Variants in ARFGEF3 observed in about 807,000 individuals in gnomAD.
The protein encoded by ARFGEF3 is brefeldin A-inhibited guanine nucleotide-exchange protein 3.
Under a neutral mutation model 221.7 loss-of-function variants are expected in ARFGEF3, and 96 were observed. That is an observed-to-expected ratio of 0.43 (90% CI 0.37 to 0.51). ARFGEF3 has a LOEUF of 0.51. Among genes scored for constraint, ARFGEF3 ranks in the 20% least tolerant of loss-of-function variants. The pLI, the probability that ARFGEF3 is intolerant of heterozygous loss-of-function variation, is 0.00. For missense variants in ARFGEF3, 2,410 were observed against 2,789.9 expected (o/e 0.86, Z 3.07); for synonymous variants, 1,145 against 1,126.8 (o/e 1.02, Z -0.32).
chr6:138,263,697 T>A (rs999425530), intron 12 of ARFGEF3, 86 bp downstream of exon 12: 1 of 1,231,906 alleles, frequency 8.1e-7, no homozygotes, highest in African/African-American at 1.5e-5. Flanking sequence ...TGCTTATAGT[T>A]TGACGTGCTC....
intron 27 of ARFGEF3, 69 bp from the exon 28 acceptor site, chr6:138,319,633 CA>C: frequency 9.0e-7 from 1 of 1,113,592 alleles, no homozygotes; most frequent in South Asian, 1.6e-5. Context: ...AAGAGATCAA[CA>C]ATGCCAGGTG....
intron 2 of ARFGEF3, among the ~76,000 whole-genome samples, chr6:138,196,407 G>A (rs182005259): frequency 4.1e-4 from 63 of 152,362 alleles, no homozygotes; most frequent in African/African-American, 1.5e-3. Flanking sequence ...ACTGTAGGCA[G>A]TTGTAACACA....
intron 22 of ARFGEF3, among the ~76,000 whole-genome samples, chr6:138,300,445 A>G (rs1203373880): frequency 1.3e-5 from 2 of 152,144 alleles, no homozygotes; most frequent in African/African-American, 4.8e-5. Flanking sequence ...ACAACTAAAA[A>G]AAGTTGGATA....
At chr6:138,281,181 A>C (rs1306961010) in intron 14 of ARFGEF3, among the ~76,000 whole-genome samples, 4 of 152,180 alleles carry the variant, frequency 2.6e-5, no homozygotes, top group Non-Finnish European at 4.4e-5. Context: ...TAAGTTAGAC[A>C]GGCAAGCAGG....
Position 138,229,868 on chromosome 6 carries a change from G to T in ARFGEF3, c.420+16G>T, listed in dbSNP as rs372528377. The stretch of plus-strand genomic sequence containing the variant: ...GATCGCGGAGGTGAGTACTGCTTGT[G>T]TCTGTGCCTCCTGTTCACAGCTGCT... On this transcript the variant is annotated intron_variant, in intron 5 of 33. Transcript: ENST00000251691. 1.5e-5 allele frequency: 24 copies of T among 1,608,830 alleles called. No individual in the cohort carries two copies. Among genetic ancestry groups the T allele is most frequent in the Admixed American group, 6.7e-5 (4 of 59,968 alleles).
chr6:138,298,814 A>T (rs1779571382), intron 22 of ARFGEF3, 29 bp downstream of exon 22: 1 of 1,582,904 alleles, frequency 6.3e-7, no homozygotes, highest in Admixed American at 1.7e-5. Context: ...TCAGCGTCAT[A>T]GCTGGCTCTT....
In ARFGEF3 at chr6:138,263,528, G is replaced by A; in HGVS notation, c.2045G>A (p.Gly682Asp). 6.2e-7 allele frequency: 1 copy of A among 1,613,490 alleles called. No homozygotes were observed. Among genetic ancestry groups the A allele is most frequent in the Admixed American group, 1.7e-5 (1 of 60,016 alleles). ...SARLFIQSLE[G>D]LLPRLLSLSN... Reference sequence around the variant, plus strand: ...AGGCTGTTCATACAGTCCCTGGAAGGCCTCCTCCCTCGGCTCCTGTCTCTC... The same window carrying A: ...AGGCTGTTCATACAGTCCCTGGAAGACCTCCTCCCTCGGCTCCTGTCTCTC... Residue 682 changes from glycine to aspartate, a missense_variant, in exon 12 of 34, where the codon GGC becomes GAC. Transcript: ENST00000251691.
At chr6:138,181,714 G>A (rs1777082899) in intron 2 of ARFGEF3, among the ~76,000 whole-genome samples, 1 of 152,182 alleles carries the variant, frequency 6.6e-6, no homozygotes, top group Non-Finnish European at 1.5e-5. Flanking sequence ...AAAGTGCTGG[G>A]ATTATGTGTG....
chr6:138,213,267 G>T (rs1162991797), intron 4 of ARFGEF3, among the ~76,000 whole-genome samples: 5 of 143,780 alleles, frequency 3.5e-5, no homozygotes, highest in African/African-American at 1.1e-4. Context: ...CAGCCTGGGC[G>T]ACAGAGCGAG....
At chr6:138,292,633 G>T (rs1243122928) in intron 19 of ARFGEF3, among the ~76,000 whole-genome samples, 2 of 152,150 alleles carry the variant, frequency 1.3e-5, no homozygotes, top group East Asian at 3.9e-4. Flanking sequence ...TACCTCTTCA[G>T]TGTTTGGTCA....
At chr6:138,217,892 C>A in intron 4 of ARFGEF3, 1 of 1,435,270 alleles carries the variant, frequency 7.0e-7, no homozygotes, top group Non-Finnish European at 9.3e-7. Context: ...TGGAATGGTT[C>A]AGTTACTTGG....
At position 138,263,621 on chromosome 6, in the gene ARFGEF3, C is replaced by T; in HGVS notation, c.2128+10C>T. On this transcript the variant is annotated intron_variant, in intron 12 of 33. Transcript: ENST00000251691. ...TCTACTTTCTGCTCAGGTTTGTAAA[C>T]AATTCTCTGCTGTATAGTCAACAAG... 1 of 1,583,974 alleles carries T rather than the reference C, an allele frequency of 6.3e-7. No individual in the cohort carries two copies. The highest frequency in any genetic ancestry group is 8.6e-7 in the Non-Finnish European group (1 of 1,166,814).
At position 138,163,456 on chromosome 6, in the gene ARFGEF3, G is replaced by A. The variant is rs766090081; in HGVS notation, c.85+1285G>A. The stretch of plus-strand genomic sequence containing the variant: ...CATTCAGCAGCGTGATTCGAAGCTA[G>A]ATTCCAAAATGCCTCTAATGAAGGG... On this transcript the variant is annotated intron_variant, in intron 1 of 33. Coordinates refer to ENST00000251691, the MANE Select transcript of ARFGEF3 (RefSeq NM_020340.5). 4.6e-5 allele frequency among the ~76,000 whole-genome samples: 7 copies of A among 152,330 alleles called. No individual in the cohort carries two copies. The East Asian group carries it at 7.7e-4, about 17-fold the overall frequency.
rs1007716797 is a variant in ARFGEF3 at position 138,324,032 on chromosome 6, G to A, written c.4879G>A (p.Gly1627Ser). ...TGCTGTTTCTCCCCAGGACCTGCTGGGCTGCTTCCACAGCGGCACGGAGAG... is the reference window on the plus strand; with the variant it reads ...TGCTGTTTCTCCCCAGGACCTGCTGAGCTGCTTCCACAGCGGCACGGAGAG... ...ATLKPVKDLL[G>S]CFHSGTESFS... is the part of the protein sequence containing the mutation. Residue 1627 changes from glycine (G) to serine (S), a missense_variant, in exon 31 of 34, where the codon GGC becomes AGC. Gly to Ser is a moderately conservative substitution (Grantham distance 56). This residue lies in a region of ARFGEF3 where 723 missense variants were observed against 991.9 expected (regional missense o/e 0.73). Coordinates refer to ENST00000251691, the MANE Select transcript of ARFGEF3 (RefSeq NM_020340.5). The A allele has an allele frequency of 6.2e-7, 1 of 1,613,490 alleles. No homozygotes were observed.
intron 27 of ARFGEF3, among the ~76,000 whole-genome samples, chr6:138,317,951 T>C (rs1292307070): frequency 6.6e-6 from 1 of 152,210 alleles, no homozygotes. Context: ...TTTCTTGTTG[T>C]GAATTAATCA....
At chr6:138,319,381 G>A (rs1023012886) in intron 27 of ARFGEF3, among the ~76,000 whole-genome samples, 2 of 151,754 alleles carry the variant, frequency 1.3e-5, no homozygotes, top group East Asian at 3.9e-4. Context: ...GATTTCAAAG[G>A]GTATTTTCTT....
In ARFGEF3 at chr6:138,334,865, G is replaced by GGA; in HGVS notation, c.6019_6020insGA (p.Glu2007GlyfsTer20). The GGA allele has an allele frequency of 6.3e-7, 1 of 1,593,580 alleles. No homozygotes were observed. The highest frequency in any genetic ancestry group is 8.5e-7 in the Non-Finnish European group (1 of 1,170,700). ...TCCCAGCCGGAAGAAGGAGTGGTGG[G>GGA]AGAATGCGGGGAACAAAATCTACAC... On this transcript the variant is annotated frameshift_variant, in exon 33 of 34. Coordinates refer to ENST00000251691, the MANE Select transcript of ARFGEF3 (RefSeq NM_020340.5). LOFTEE classifies it high-confidence loss of function. This position sits in a 1 kb window ranked among gnomAD's most constrained non-coding sequence, Gnocchi z 5.1.
rs151005381 is a variant in ARFGEF3 at position 138,235,354 on chromosome 6, T to G, written c.421-3155T>G. Among the ~76,000 whole-genome samples the G allele has an allele frequency of 5.4e-3, 828 of 152,336 alleles. 6 individuals are homozygous for G. The highest frequency in any genetic ancestry group is 0.019 in the African/African-American group (770 of 41,574). Reference sequence around the variant, plus strand: ...TCTTTGTGTGTTCCCTGTGATCAGGTGCCTATAGGGCTTTTCACAGGGTAT... The same window carrying G: ...TCTTTGTGTGTTCCCTGTGATCAGGGGCCTATAGGGCTTTTCACAGGGTAT... On this transcript the variant is annotated intron_variant, in intron 5 of 33. Coordinates refer to ENST00000251691, the MANE Select transcript of ARFGEF3 (RefSeq NM_020340.5).
chr6:138,284,629 C>T (rs971490683), intron 14 of ARFGEF3, among the ~76,000 whole-genome samples: 28 of 152,182 alleles, frequency 1.8e-4, no homozygotes, highest in African/African-American at 6.8e-4. Context: ...AAAACTTAAA[C>T]AGGATAACTG....
Sources: allele counts gnomAD v4.1 joint callset (sites outside exome capture counted in the v4.1 genomes callset), GRCh38; gene constraint gnomAD v4.1.1; regional missense constraint gnomAD v4.1.1; non-coding constraint Gnocchi (gnomAD v3.1); transcripts MANE v1.5; gene names NCBI Gene and HGNC (gene_info 2026-07-23, HGNC 2026-07-21).